Variants in FSTL5 observed in about 807,000 individuals in gnomAD.
FSTL5 encodes follistatin-related protein 5.
FSTL5 carries 62 observed loss-of-function variants against 89.1 expected under a neutral mutation model. The ratio of observed to expected loss-of-function variants is 0.70; its 90% confidence interval spans 0.57 to 0.86. The LOEUF (loss-of-function observed/expected upper bound fraction) is 0.86. FSTL5 is among the 40% of genes least tolerant of loss of function. FSTL5 has a pLI of 0.00. For synonymous variants in FSTL5, 383 were observed against 346.2 expected (o/e 1.11, Z -1.18); for missense variants, 1,057 against 1,001.6 (o/e 1.06, Z -0.75).
intron 3 of FSTL5, among the ~76,000 whole-genome samples, chr4:161,973,211 A>C (rs1735535357): frequency 6.6e-6 from 1 of 152,114 alleles, no homozygotes; most frequent in African/African-American, 2.4e-5. Context: ...GTATAGCATG[A>C]CAGTTTTAAT....
intron 6 of FSTL5, among the ~76,000 whole-genome samples, chr4:161,668,458 A>T (rs551892481): frequency 1.3e-5 from 2 of 152,340 alleles, no homozygotes; most frequent in South Asian, 4.1e-4. Context: ...AAATTGTATC[A>T]ATCCCCTACA....
intron 10 of FSTL5, among the ~76,000 whole-genome samples, chr4:161,534,010 G>C (rs997431924): frequency 6.6e-6 from 1 of 152,078 alleles, no homozygotes; most frequent in Non-Finnish European, 1.5e-5. Flanking sequence ...TGCAGGAAAA[G>C]CCTTTGATAA....
intron 4 of FSTL5, among the ~76,000 whole-genome samples, chr4:161,918,415 A>G (rs1463125965): frequency 1.3e-5 from 2 of 152,156 alleles, no homozygotes; most frequent in East Asian, 3.9e-4. Flanking sequence ...TTAACACTAC[A>G]CATGATGAGA....
chr4:161,826,670 T>C (rs1448735504), intron 4 of FSTL5, among the ~76,000 whole-genome samples: 1 of 152,188 alleles, frequency 6.6e-6, no homozygotes, highest in Non-Finnish European at 1.5e-5. Context: ...TTTATGGCTG[T>C]TGCTTTGAAG....
intron 3 of FSTL5, among the ~76,000 whole-genome samples, chr4:162,013,042 G>C (rs1487956630): frequency 1.3e-5 from 2 of 151,906 alleles, no homozygotes; most frequent in African/African-American, 4.8e-5. Context: ...AAATTAGCCA[G>C]GCATGGTGGC....
intron 4 of FSTL5, among the ~76,000 whole-genome samples, chr4:161,813,621 G>A (rs1213673432): frequency 6.6e-6 from 1 of 152,164 alleles, no homozygotes; most frequent in Non-Finnish European, 1.5e-5. Flanking sequence ...CTGGTGTGTT[G>A]TATCGCCACA....
At chr4:161,772,168 C>G (rs1406620220) in intron 5 of FSTL5, among the ~76,000 whole-genome samples, 1 of 151,958 alleles carries the variant, frequency 6.6e-6, no homozygotes, top group Non-Finnish European at 1.5e-5. Context: ...TGTGGACTAA[C>G]TATAGAATGT....
intron 7 of FSTL5, among the ~76,000 whole-genome samples, chr4:161,653,372 C>G (rs557126927): frequency 6.6e-6 from 1 of 152,108 alleles, no homozygotes; most frequent in Non-Finnish European, 1.5e-5. Flanking sequence ...TTGTAGAACA[C>G]CTGCATTTTC....
At chr4:161,882,220 G>A (rs887889490) in intron 4 of FSTL5, among the ~76,000 whole-genome samples, 1 of 152,006 alleles carries the variant, frequency 6.6e-6, no homozygotes, top group Non-Finnish European at 1.5e-5. Context: ...GCACTACAGT[G>A]TAACATTCTT....
intron 6 of FSTL5, among the ~76,000 whole-genome samples, chr4:161,751,662 C>T (rs7658217): frequency 0.21 from 32,494 of 151,746 alleles, 6,775 homozygotes; most frequent in African/African-American, 0.54. Flanking sequence ...ACTCTTGTAG[C>T]CTTAACTACT....
chr4:161,975,943 GTC>G (rs1167021630), intron 3 of FSTL5, among the ~76,000 whole-genome samples: 2 of 147,016 alleles, frequency 1.4e-5, no homozygotes, highest in African/African-American at 5.1e-5. Context: ...ATGAAACCCC[GTC>G]TCTACTAAAA....
chr4:161,535,704 G>A (rs545815125), intron 10 of FSTL5, among the ~76,000 whole-genome samples: 61 of 152,052 alleles, frequency 4.0e-4, no homozygotes, highest in African/African-American at 1.4e-3. Context: ...TAAAACAGAC[G>A]TTACTATTTG....
At chr4:161,504,073 A>G (rs148282328) in intron 11 of FSTL5, among the ~76,000 whole-genome samples, 379 of 152,070 alleles carry the variant, frequency 2.5e-3, no homozygotes, top group African/African-American at 9.0e-3. Flanking sequence ...AAGCTAAAGG[A>G]TTTGCAAAAT....
intron 10 of FSTL5, among the ~76,000 whole-genome samples, chr4:161,522,693 A>C (rs1441586094): frequency 1.3e-5 from 2 of 151,662 alleles, no homozygotes; most frequent in Non-Finnish European, 2.9e-5. Context: ...AATCTTTTTC[A>C]AACTGGAGGA....
intron 6 of FSTL5, among the ~76,000 whole-genome samples, chr4:161,700,072 G>T (rs1396725146): frequency 6.6e-6 from 1 of 152,040 alleles, no homozygotes; most frequent in Non-Finnish European, 1.5e-5. Flanking sequence ...AGTTCTTGTT[G>T]CATGGAGCAA....
At chr4:161,849,643 T>TGACTC (rs1247210163) in intron 4 of FSTL5, among the ~76,000 whole-genome samples, 2 of 152,102 alleles carry the variant, frequency 1.3e-5, no homozygotes, top group African/African-American at 2.4e-5. Flanking sequence ...CAACATTTAA[T>TGACTC]GACTCGACAT....
At chr4:161,817,903 G>C (rs889417450) in intron 4 of FSTL5, among the ~76,000 whole-genome samples, 11 of 152,018 alleles carry the variant, frequency 7.2e-5, no homozygotes, top group South Asian at 2.1e-4. Flanking sequence ...TACTGGAGTT[G>C]GGAGGGAAAG....
At chr4:161,949,480 T>C (rs911743451) in intron 3 of FSTL5, among the ~76,000 whole-genome samples, 2 of 152,058 alleles carry the variant, frequency 1.3e-5, no homozygotes, top group Admixed American at 6.6e-5. Flanking sequence ...TATAGGGTTT[T>C]CTGAACTTCT....
intron 6 of FSTL5, among the ~76,000 whole-genome samples, chr4:161,743,439 TTTTAA>T (rs1371345404): frequency 6.6e-6 from 1 of 152,150 alleles, no homozygotes; most frequent in Admixed American, 6.5e-5. Flanking sequence ...ACTGTTTTGA[TTTTAA>T]TGGCTTTGTA....
Sources: gnomAD v4.1 joint callset for allele counts (sites outside exome capture counted in the v4.1 genomes callset) on GRCh38, gnomAD v4.1.1 for gene constraint, MANE v1.5 for transcripts, NCBI Gene and HGNC (gene_info 2026-07-23, HGNC 2026-07-21) for gene names.